Variants in IP6K1 observed in about 807,000 individuals in gnomAD.
IP6K1 encodes inositol hexakisphosphate kinase 1, also known as ATP:1D-myo-inositol-hexakisphosphate phosphotransferase.
Under a neutral mutation model 38.3 loss-of-function variants are expected in IP6K1, and 13 were observed. The ratio of observed to expected loss-of-function variants is 0.34; its 90% confidence interval spans 0.22 to 0.54. The LOEUF is 0.54. IP6K1 is among the 20% of genes least tolerant of loss of function. The pLI, the probability that IP6K1 is intolerant of heterozygous loss-of-function variation, is 0.92. For synonymous variants in IP6K1, 212 were observed against 229.9 expected, an observed-to-expected ratio of 0.92 and a Z score of 0.70; for missense variants, 397 against 599.8, an observed-to-expected ratio of 0.66 and a Z score of 3.53.
intron 1 of IP6K1, among the ~76,000 whole-genome samples, chr3:49,759,769 T>C (rs2080853227): frequency 6.6e-6 from 1 of 152,188 alleles, no homozygotes; most frequent in South Asian, 2.1e-4. Flanking sequence ...CTATGTGAAG[T>C]AAATACGTGA....
chr3:49,739,571 G>T (rs1466602820), intron 2 of IP6K1, among the ~76,000 whole-genome samples: 1 of 151,874 alleles, frequency 6.6e-6, no homozygotes, highest in Non-Finnish European at 1.5e-5. Context: ...AGCCAGGATG[G>T]TCTCATCTCC....
chr3:49,779,907 C>CA (rs1278058072), intron 1 of IP6K1, among the ~76,000 whole-genome samples: 6 of 152,008 alleles, frequency 3.9e-5, no homozygotes, highest in Non-Finnish European at 5.9e-5. Flanking sequence ...AGGCTGGTCT[C>CA]AAACTCCTGG....
chr3:49,782,428 C>CA lies in IP6K1; in HGVS notation c.-129+3925dup, dbSNP rs569362947. ...TCGTGACCCGCCCACCTTGGCCTCCCACAGTGCTGGGATTACAGGCTTGAG... is the reference window on the plus strand; with the variant it reads ...TCGTGACCCGCCCACCTTGGCCTCCCAACAGTGCTGGGATTACAGGCTTGAG... On this transcript the variant is annotated intron_variant, in intron 1 of 5. Coordinates refer to ENST00000321599, the MANE Select transcript of IP6K1 (RefSeq NM_153273.4). Among the ~76,000 whole-genome samples the CA allele has an allele frequency of 1.1e-4, 17 of 152,174 alleles. No homozygotes were observed. In the South Asian group the frequency reaches 1.9e-3, roughly 17 times the overall value.
rs1401992612 is a variant in IP6K1 at position 49,727,412 on chromosome 3, C to T, written c.1036G>A (p.Ala346Thr). 2 of 1,613,978 alleles carry T rather than the reference C, an allele frequency of 1.2e-6. No homozygotes were observed. The highest frequency in any genetic ancestry group is 3.3e-5 in the Admixed American group (2 of 60,030). The change falls in exon 6 of 6, where the codon GCT becomes ACT. Residue 346 changes from alanine (A) to threonine (T), a missense_variant. By Grantham distance (58) the Ala-to-Thr change is moderately conservative. Around this residue, in one of 3 missense-constraint regions of IP6K1, gnomAD observed 164 missense variants for 213.5 expected, o/e 0.77. Coordinates refer to ENST00000321599, the MANE Select transcript of IP6K1 (RefSeq NM_153273.4). The surrounding 1 kb of genome is among the most constrained non-coding windows in gnomAD (Gnocchi z 5.9). ...GACCGGCGGTCCAGGCAGGACTCAG[C>T]CCGGCACTCCTTGCCATCATAGATG... ...LVIYDGKECR[A>T]ESCLDRRSEM... is the part of the protein sequence containing the mutation.
chr3:49,735,586 C>G (rs987261547), intron 3 of IP6K1, among the ~76,000 whole-genome samples: 2 of 152,104 alleles, frequency 1.3e-5, no homozygotes, highest in African/African-American at 2.4e-5. Context: ...ATTTGAAGAC[C>G]CTGCTTACCA....
chr3:49,771,187 A>C (rs147118497), intron 1 of IP6K1, among the ~76,000 whole-genome samples: 6 of 131,816 alleles, frequency 4.6e-5, no homozygotes, highest in African/African-American at 1.9e-4. Context: ...AAACTCAGTA[A>C]CAAAAAAAAA....
At chr3:49,756,443 TG>T (rs2080823328) in intron 1 of IP6K1, among the ~76,000 whole-genome samples, 1 of 151,828 alleles carries the variant, frequency 6.6e-6, no homozygotes, top group South Asian at 2.1e-4. Flanking sequence ...TACTAAGAAG[TG>T]GGGGAAAGGA....
chr3:49,742,335 G>C (rs796825816), intron 2 of IP6K1, among the ~76,000 whole-genome samples: 2 of 151,844 alleles, frequency 1.3e-5, no homozygotes, highest in Non-Finnish European at 2.9e-5. Context: ...GGATCACGAG[G>C]TCAGGAGATT....
chr3:49,773,351 C>T (rs1050227815), intron 1 of IP6K1, among the ~76,000 whole-genome samples: 1 of 152,228 alleles, frequency 6.6e-6, no homozygotes, highest in Non-Finnish European at 1.5e-5. Context: ...TGGCTCACGC[C>T]TGTAATCCCA....
At chr3:49,766,227 TG>T (rs993598402) in intron 1 of IP6K1, among the ~76,000 whole-genome samples, 1 of 151,854 alleles carries the variant, frequency 6.6e-6, no homozygotes, top group African/African-American at 2.4e-5. Flanking sequence ...TCGCTGGGTG[TG>T]GTGGCAGATG....
chr3:49,779,681 C>G (rs111301752), intron 1 of IP6K1, among the ~76,000 whole-genome samples: 1 of 152,086 alleles, frequency 6.6e-6, no homozygotes, highest in East Asian at 1.9e-4. Context: ...TCATAATACA[C>G]CCAAATTTTT....
At position 49,761,647 on chromosome 3, in the gene IP6K1, G is replaced by T. The variant is rs967510900; in HGVS notation, c.-128-13479C>A. 7.3e-5 allele frequency among the ~76,000 whole-genome samples: 11 copies of T among 150,906 alleles called. 1 individual carries two copies. The highest frequency in any genetic ancestry group is 4.2e-4 in the South Asian group (2 of 4,752). On this transcript the variant is annotated intron_variant, in intron 1 of 5. Coordinates refer to ENST00000321599, the MANE Select transcript of IP6K1 (RefSeq NM_153273.4). Reference sequence around the variant, plus strand: ...AAAAAAAAAAAATTAATAACCTAAGGTTCTCATTAACAACTTAGAAAAAAG... The same window carrying T: ...AAAAAAAAAAAATTAATAACCTAAGTTTCTCATTAACAACTTAGAAAAAAG...
chr3:49,739,942 G>A (rs2080651088), intron 2 of IP6K1, among the ~76,000 whole-genome samples: 1 of 152,106 alleles, frequency 6.6e-6, no homozygotes, highest in African/African-American at 2.4e-5. Flanking sequence ...TTGAAGCCGG[G>A]AGACGGAGGT....
chr3:49,777,086 A>G (rs978896737), intron 1 of IP6K1, among the ~76,000 whole-genome samples: 2 of 152,040 alleles, frequency 1.3e-5, no homozygotes, highest in Admixed American at 6.6e-5. Context: ...AAAATCAAGA[A>G]TCAGTCCATT....
At chr3:49,763,369 T>C (rs374718987) in intron 1 of IP6K1, among the ~76,000 whole-genome samples, 2 of 151,892 alleles carry the variant, frequency 1.3e-5, no homozygotes, top group East Asian at 3.9e-4. Flanking sequence ...GCTCCCAAAG[T>C]GCTGGGATTA....
intron 2 of IP6K1, among the ~76,000 whole-genome samples, chr3:49,741,514 T>C (rs926541680): frequency 3.3e-5 from 5 of 152,224 alleles, no homozygotes; most frequent in Admixed American, 3.3e-4. Context: ...GTGATTTTTA[T>C]TGCTTTCAAA....
At chr3:49,774,825 T>TGCACCTA (rs1180560686) in intron 1 of IP6K1, among the ~76,000 whole-genome samples, 1 of 152,142 alleles carries the variant, frequency 6.6e-6, no homozygotes, top group Non-Finnish European at 1.5e-5. Flanking sequence ...ACTGAGTCAC[T>TGCACCTA]GCACCTAGAC....
intron 1 of IP6K1, among the ~76,000 whole-genome samples, chr3:49,777,699 G>A (rs770327229): frequency 6.6e-6 from 1 of 151,866 alleles, no homozygotes; most frequent in Non-Finnish European, 1.5e-5. Context: ...CGGATCACAA[G>A]GTCAGGAGAT....
intron 1 of IP6K1, among the ~76,000 whole-genome samples, chr3:49,763,341 G>A (rs1271699115): frequency 3.3e-5 from 5 of 151,430 alleles, no homozygotes; most frequent in East Asian, 3.9e-4. Flanking sequence ...TCCTGACCTC[G>A]TGATCCACCC....
Sources: gnomAD v4.1 joint callset for allele counts (sites outside exome capture counted in the v4.1 genomes callset) on GRCh38, gnomAD v4.1.1 for gene constraint, gnomAD v4.1.1 regional missense constraint, Gnocchi (gnomAD v3.1) non-coding constraint, MANE v1.5 for transcripts, NCBI Gene and HGNC (gene_info 2026-07-23, HGNC 2026-07-21) for gene names.